LRCH3: variants seen among roughly 807,000 people sequenced by gnomAD.
The protein encoded by LRCH3 is leucine rich repeats and calponin homology domain containing 3.
In LRCH3, 68 loss-of-function variants were observed where a neutral mutation model predicts 104.5. The ratio of observed to expected loss-of-function variants is 0.65; its 90% CI spans 0.54 to 0.80. The LOEUF (loss-of-function observed/expected upper bound fraction) is 0.80. Among genes scored for constraint, LRCH3 ranks in the 30% least tolerant of loss-of-function variants. LRCH3 has a pLI of 0.00. For missense variants in LRCH3, 951 were observed against 953.9 expected, an observed-to-expected ratio of 1.00 and a Z score of 0.04; for synonymous variants, 344 against 361.3, an observed-to-expected ratio of 0.95 and a Z score of 0.54.
At chr3:197,871,637 T>A (rs897218092) in intron 19 of LRCH3, 175 bp downstream of exon 19, 1 of 747,270 alleles carries the variant, frequency 1.3e-6, no homozygotes, top group African/African-American at 1.7e-5. Flanking sequence ...TACAGCTACT[T>A]ACAGCAGTGC....
intron 1 of LRCH3, among the ~76,000 whole-genome samples, chr3:197,811,808 C>A (rs1178915490): frequency 6.6e-6 from 1 of 152,164 alleles, no homozygotes; most frequent in Admixed American, 6.5e-5. Context: ...GTCTCTGTTA[C>A]ACAGTTGTGA....
chr3:197,818,022 C>T (rs927148305), intron 3 of LRCH3, among the ~76,000 whole-genome samples: 2 of 152,218 alleles, frequency 1.3e-5, no homozygotes, highest in African/African-American at 2.4e-5. Context: ...AGGGTTTCAC[C>T]GTGTTAGCCA....
At chr3:197,807,538 C>T (rs1352513858) in intron 1 of LRCH3, among the ~76,000 whole-genome samples, 1 of 151,956 alleles carries the variant, frequency 6.6e-6, no homozygotes, top group Non-Finnish European at 1.5e-5. Context: ...GTTTTTAAAT[C>T]CACTTTGCTA....
intron 1 of LRCH3, among the ~76,000 whole-genome samples, chr3:197,803,736 A>G (rs1732152138): frequency 6.6e-6 from 1 of 152,102 alleles, no homozygotes; most frequent in Admixed American, 6.6e-5. Context: ...ATCTGGTTCT[A>G]TGGCATGCCA....
Position 197,847,463 on chromosome 3 carries a change from A to G in LRCH3, c.1380+3A>G, listed in dbSNP as rs747451504. ...CACTATCAGCAAGTCACAATCAGGT[A>G]ATGTTTAGTAGTTGTGTTTATTTTT... On this transcript the variant is annotated splice_donor_region_variant and intron_variant, in intron 11 of 20. Coordinates refer to ENST00000425562, the MANE Select transcript of LRCH3 (RefSeq NM_001365715.1). 6.2e-7 allele frequency: 1 copy of G among 1,601,882 alleles called. No homozygotes were observed. The highest frequency in any genetic ancestry group is 1.7e-5 in the Admixed American group (1 of 57,300).
chr3:197,830,698 T>C (rs1484770476), intron 6 of LRCH3, 72 bp from the exon 7 acceptor site: 4 of 1,247,282 alleles, frequency 3.2e-6, no homozygotes, highest in East Asian at 4.7e-5. Context: ...TTTTAGAAAA[T>C]TGATCTGTTT....
At chr3:197,880,757 G>T in intron 20 of LRCH3, 1 of 1,534,366 alleles carries the variant, frequency 6.5e-7, no homozygotes, top group Non-Finnish European at 8.7e-7. Flanking sequence ...TCCTGTGCTT[G>T]GTAAAGGAGG....
chr3:197,792,577 T>TTATATATATATATA lies in LRCH3; in HGVS notation c.262+1052_262+1065dup, dbSNP rs11420466. On this transcript the variant is annotated intron_variant, in intron 1 of 20. Transcript: ENST00000425562. Reference sequence around the variant, plus strand: ...CAGCCGCCACCACGCCCAGCTAATTTTATATATATATATATATATATATAT... The same window carrying TTATATATATATATA: ...CAGCCGCCACCACGCCCAGCTAATTTTATATATATATATATATATATATATATATATATATATAT... Among the ~76,000 whole-genome samples, 200 of 20,302 alleles carry TTATATATATATATA rather than the reference T, an allele frequency of 9.9e-3. 13 individuals are homozygous for TTATATATATATATA. Among genetic ancestry groups the TTATATATATATATA allele is most frequent in the East Asian group, 0.027 (10 of 370 alleles). 13.3% of individuals were successfully genotyped at this position (20,302 alleles called of 152,430 possible). A position where few individuals can be genotyped will look rare whatever the true frequency, so the allele number is the denominator to read the frequency against.
intron 10 of LRCH3, among the ~76,000 whole-genome samples, chr3:197,844,795 T>A (rs60984880): frequency 0.11 from 15,866 of 150,662 alleles, 1,370 homozygotes; most frequent in East Asian, 0.49. Flanking sequence ...TTTTTCGTAT[T>A]TTTTTAGTAG....
chr3:197,813,534 T>TG (rs1733456442), intron 1 of LRCH3, among the ~76,000 whole-genome samples: 2 of 119,656 alleles, frequency 1.7e-5, no homozygotes, highest in Non-Finnish European at 3.3e-5. Flanking sequence ...TTTTTTTTTT[T>TG]TTTTTTTTTT....
intron 20 of LRCH3, among the ~76,000 whole-genome samples, chr3:197,879,028 A>C (rs1713239207): frequency 6.6e-6 from 1 of 152,256 alleles, no homozygotes; most frequent in African/African-American, 2.4e-5. Context: ...TATGAGTGAA[A>C]TACTGAAGAA....
At chr3:197,858,812 C>T in intron 14 of LRCH3, 22 bp from the exon 15 acceptor site, 2 of 1,603,122 alleles carry the variant, frequency 1.2e-6, no homozygotes, top group Non-Finnish European at 1.7e-6. Flanking sequence ...TCTGTTTCTT[C>T]TCTTTCTCAT....
Position 197,812,504 on chromosome 3 carries a change from G to GGTTTTTTTTTTTTTT in LRCH3, c.263-2404_263-2403insGTTTTTTTTTTTTTT, listed in dbSNP as rs1733248663. Among the ~76,000 whole-genome samples the GGTTTTTTTTTTTTTT allele has an allele frequency of 1.2e-4, 6 of 48,978 alleles. No individual in the cohort carries two copies. The East Asian group carries it at 3.5e-3, about 28-fold the overall frequency. 32.1% of individuals were successfully genotyped at this position (48,978 alleles called of 152,430 possible). A position where few individuals can be genotyped will look rare whatever the true frequency, so the allele number is the denominator to read the frequency against. On this transcript the variant is annotated intron_variant, in intron 1 of 20. Transcript: ENST00000425562. ...ATATCTGTTCAAGTCTCTGCTTTCA[G>GGTTTTTTTTTTTTTT]TTTTTTTTTTTTTTTTTTTTTTTTT...
intron 1 of LRCH3, 51 bp downstream of exon 1, chr3:197,791,591 C>T (rs1413590557): frequency 1.4e-5 from 21 of 1,479,468 alleles, no homozygotes; most frequent in Non-Finnish European, 1.9e-5. Flanking sequence ...GCGCCGGGAG[C>T]CGCCCCGGCC....
At chr3:197,853,135 T>C (rs1011149692) in intron 13 of LRCH3, among the ~76,000 whole-genome samples, 3 of 152,216 alleles carry the variant, frequency 2.0e-5, no homozygotes, top group African/African-American at 7.2e-5. Context: ...GTTTTTCTTG[T>C]AGTTGGCTTT....
At chr3:197,845,333 G>A (rs1738495248) in intron 10 of LRCH3, among the ~76,000 whole-genome samples, 1 of 151,378 alleles carries the variant, frequency 6.6e-6, no homozygotes, top group Non-Finnish European at 1.5e-5. Context: ...GCTTAACTCT[G>A]GGAGGTGGAG....
At chr3:197,796,962 G>A (rs999015567) in intron 1 of LRCH3, among the ~76,000 whole-genome samples, 2 of 152,282 alleles carry the variant, frequency 1.3e-5, no homozygotes, top group South Asian at 2.1e-4. Flanking sequence ...GGAGGCTGAG[G>A]TGGGTGGATC....
At chr3:197,803,104 G>A (rs1732079800) in intron 1 of LRCH3, among the ~76,000 whole-genome samples, 1 of 152,146 alleles carries the variant, frequency 6.6e-6, no homozygotes, top group African/African-American at 2.4e-5. Context: ...TTTCACAGTG[G>A]ATTCATTGAT....
rs546016179 is a variant in LRCH3 at position 197,836,542 on chromosome 3, C to T, written c.1251+720C>T. On this transcript the variant is annotated intron_variant, in intron 9 of 20. Coordinates refer to ENST00000425562, the MANE Select transcript of LRCH3 (RefSeq NM_001365715.1). Reference sequence around the variant, plus strand: ...CTGAGCAGTGATTATTTGAGAAACACTTGGGCCCTTTTAGAGAATGATGTA... The same window carrying T: ...CTGAGCAGTGATTATTTGAGAAACATTTGGGCCCTTTTAGAGAATGATGTA... Among the ~76,000 whole-genome samples the T allele has an allele frequency of 1.2e-3, 185 of 152,168 alleles. 1 individual carries two copies. Among genetic ancestry groups the T allele is most frequent in the South Asian group, 6.2e-3 (30 of 4,820 alleles).
Sources: gnomAD v4.1 joint callset for allele counts (sites outside exome capture counted in the v4.1 genomes callset) on GRCh38, gnomAD v4.1.1 for gene constraint, MANE v1.5 for transcripts, NCBI Gene and HGNC (gene_info 2026-07-23, HGNC 2026-07-21) for gene names.